Variants in ARFGEF3 observed in about 807,000 individuals in gnomAD.
ARFGEF3 encodes the protein brefeldin A-inhibited guanine nucleotide-exchange protein 3.
In ARFGEF3, 96 loss-of-function variants were observed where a neutral mutation model predicts 221.7. The observed-to-expected ratio is 0.43, with a 90% confidence interval of 0.37 to 0.51. The LOEUF is 0.51. Among genes scored for constraint, ARFGEF3 ranks in the 20% least tolerant of loss-of-function variants. The probability of loss-of-function intolerance (pLI) is 0.00; values close to 1 mark genes in which losing one functional copy is unlikely to be tolerated. For synonymous variants in ARFGEF3, 1,145 were observed against 1,126.8 expected (o/e 1.02, Z -0.32); for missense variants, 2,410 against 2,789.9 (o/e 0.86, Z 3.07).
chr6:138,316,304 C>T (rs540806315), intron 26 of ARFGEF3, among the ~76,000 whole-genome samples: 1 of 152,240 alleles, frequency 6.6e-6, no homozygotes, highest in South Asian at 2.1e-4. Flanking sequence ...AAAAATTAAT[C>T]CTCAACATTG....
chr6:138,193,052 T>G (rs546775549), intron 2 of ARFGEF3, among the ~76,000 whole-genome samples: 1 of 152,344 alleles, frequency 6.6e-6, no homozygotes, highest in African/African-American at 2.4e-5. Flanking sequence ...GGCTAAAGGT[T>G]AGTTTCTCTG....
intron 10 of ARFGEF3, among the ~76,000 whole-genome samples, chr6:138,256,459 C>T (rs1778683139): frequency 6.6e-6 from 1 of 152,114 alleles, no homozygotes; most frequent in Admixed American, 6.5e-5. Flanking sequence ...ATCTCAACCC[C>T]CACCCCTCCA....
rs766644573 is a variant in ARFGEF3 at position 138,280,024 on chromosome 6, C to A, written c.2321C>A (p.Thr774Asn). The part of the protein sequence containing the change: ...VMKDFMKQVQ[T>N]SGVLMVFSQA... ...AAGGACTTCATGAAGCAGGTGCAGA[C>A]CAGCGGCGTGCTGATGGTCTTCTCT... Residue 774 changes from threonine (T) to asparagine (N), a missense_variant, in exon 14 of 34, where the codon ACC (threonine) becomes AAC (asparagine). Physicochemically the swap from Thr to Asn is moderately conservative, Grantham distance 65 (BLOSUM62 0). Around this residue, in one of 5 missense-constraint regions of ARFGEF3, gnomAD observed 594 missense variants for 734.3 expected, o/e 0.81. Transcript: ENST00000251691. 6.2e-7 allele frequency: 1 copy of A among 1,613,938 alleles called. No homozygotes were observed. Among genetic ancestry groups the A allele is most frequent in the East Asian group, 2.2e-5 (1 of 44,874 alleles).
intron 29 of ARFGEF3, 121 bp from the exon 30 acceptor site, chr6:138,323,550 G>T: frequency 1.3e-6 from 1 of 743,894 alleles, no homozygotes; most frequent in Non-Finnish European, 2.2e-6. Context: ...GATGGAGGTT[G>T]CAGTGAGCCA....
Position 138,334,543 on chromosome 6 carries a change from G to T in ARFGEF3, c.5697G>T (p.Trp1899Cys). 6.2e-7 allele frequency: 1 copy of T among 1,613,496 alleles called. No individual in the cohort carries two copies. The highest frequency in any genetic ancestry group is 8.5e-7 in the Non-Finnish European group (1 of 1,179,874). ...CTGTCAGCAACGCAGATTGGGTGTG[G>T]CTGGTCAAGAGGCTGCACAAGCTGT... ...VQPVSNADWVWLVKRLHKLCM... is the reference protein window; with the variant it reads ...VQPVSNADWVCLVKRLHKLCM... Residue 1899 changes from tryptophan (W) to cysteine (C), a missense_variant, in exon 33 of 34, where the codon TGG becomes TGT. Physicochemically the swap from Trp to Cys is radical, Grantham distance 215 (BLOSUM62 -2). Around this residue, in one of 5 missense-constraint regions of ARFGEF3, gnomAD observed 723 missense variants for 991.9 expected, o/e 0.73. Coordinates refer to ENST00000251691, the MANE Select transcript of ARFGEF3 (RefSeq NM_020340.5). This position sits in a 1 kb window ranked among gnomAD's most constrained non-coding sequence, Gnocchi z 5.1.
intron 12 of ARFGEF3, among the ~76,000 whole-genome samples, chr6:138,269,485 G>C (rs1449342698): frequency 6.6e-6 from 1 of 152,182 alleles, no homozygotes; most frequent in African/African-American, 2.4e-5. Context: ...GCCTCTGTCA[G>C]TTAGGATTAG....
chr6:138,300,428 A>G (rs535420123), intron 22 of ARFGEF3, among the ~76,000 whole-genome samples: 1 of 152,160 alleles, frequency 6.6e-6, no homozygotes, highest in Non-Finnish European at 1.5e-5. Context: ...CAACTTTCTC[A>G]CAGGGAACAA....
In ARFGEF3 at chr6:138,302,141, G is replaced by C. The variant is rs116884405; in HGVS notation, c.3828+3356G>C. ...ACAGTGACTAGAAACTGACTTAAGA[G>C]TAAGCCCAGATGTATTTGGGAGCCA... On this transcript the variant is annotated intron_variant, in intron 22 of 33. Transcript: ENST00000251691. 4.4e-3 allele frequency among the ~76,000 whole-genome samples: 663 copies of C among 152,292 alleles called. 3 individuals carry two copies. The highest frequency in any genetic ancestry group is 7.0e-3 in the Non-Finnish European group (477 of 68,034).
Position 138,209,789 on chromosome 6 carries a change from A to G in ARFGEF3, c.220-121A>G. 3 of 1,254,808 alleles carry G rather than the reference A, an allele frequency of 2.4e-6. No homozygotes were observed. The South Asian group carries it at 4.5e-5, about 19-fold the overall frequency. The allele number at this position is 1,254,808 out of a possible 1,614,324, so 77.7% of individuals were successfully genotyped here. On this transcript the variant is annotated intron_variant, in intron 3 of 33. Coordinates refer to ENST00000251691, the MANE Select transcript of ARFGEF3 (RefSeq NM_020340.5). Reference sequence around the variant, plus strand: ...GGCACATAGCGTAAGTTCTTTCTTAATGGCCTCCAGCTACACGCCTCCCCA... The same window carrying G: ...GGCACATAGCGTAAGTTCTTTCTTAGTGGCCTCCAGCTACACGCCTCCCCA...
chr6:138,166,589 T>G (rs1776727935), intron 1 of ARFGEF3, among the ~76,000 whole-genome samples: 2 of 151,670 alleles, frequency 1.3e-5, no homozygotes, highest in Non-Finnish European at 1.5e-5. Flanking sequence ...GGCCAGGGAG[T>G]AGAAAGGAAT....
At chr6:138,229,649 A>G (rs1314373699) in intron 4 of ARFGEF3, 135 bp from the exon 5 acceptor site, 4 of 667,648 alleles carry the variant, frequency 6.0e-6, no homozygotes, top group Non-Finnish European at 1.1e-5. Flanking sequence ...AGTGGGTGGG[A>G]TATAAAGAAA....
chr6:138,169,201 T>C (rs1164818818), intron 1 of ARFGEF3, among the ~76,000 whole-genome samples: 1 of 152,174 alleles, frequency 6.6e-6, no homozygotes, highest in Non-Finnish European at 1.5e-5. Flanking sequence ...TTCTTGATGC[T>C]TCCATGGTGC....
chr6:138,280,137 A>G lies in ARFGEF3; in HGVS notation c.2434A>G (p.Ser812Gly). The change falls in exon 14 of 34, where the codon AGC becomes GGC. Residue 812 changes from serine (S) to glycine (G), a missense_variant. Physicochemically the swap from Ser to Gly is moderately conservative, Grantham distance 56. Coordinates refer to ENST00000251691, the MANE Select transcript of ARFGEF3 (RefSeq NM_020340.5). The stretch of plus-strand genomic sequence containing the variant: ...CTATTGGGGCAGCCCAGAAGATAAC[A>G]GCCTTCCCCTCATCACAATGCTGAC... Reference protein sequence around the residue: ...AGYWGSPEDNSLPLITMLTDI... With the variant: ...AGYWGSPEDNGLPLITMLTDI... 6.2e-7 allele frequency: 1 copy of G among 1,613,780 alleles called. No homozygotes were observed. The highest frequency in any genetic ancestry group is 8.5e-7 in the Non-Finnish European group (1 of 1,179,734).
At chr6:138,259,432 T>C (rs1778746132) in intron 10 of ARFGEF3, among the ~76,000 whole-genome samples, 1 of 152,216 alleles carries the variant, frequency 6.6e-6, no homozygotes, top group Admixed American at 6.5e-5. Context: ...TTTGCTTCCT[T>C]TTCTCTCCTA....
At chr6:138,260,231 A>G (rs1258892820) in intron 10 of ARFGEF3, among the ~76,000 whole-genome samples, 1 of 152,230 alleles carries the variant, frequency 6.6e-6, no homozygotes, top group African/African-American at 2.4e-5. Flanking sequence ...TCCAGAGAGC[A>G]GAAGTGTTCA....
At position 138,255,688 on chromosome 6, in the gene ARFGEF3, C is replaced by G. The variant is rs769604070; in HGVS notation, c.1023C>G (p.Pro341=). 4 of 1,612,932 alleles carry G rather than the reference C, an allele frequency of 2.5e-6. No homozygotes were observed. Among genetic ancestry groups the G allele is most frequent in the Non-Finnish European group, 3.4e-6 (4 of 1,179,514 alleles). The change falls in exon 10 of 34, where the codon CCC becomes CCG. Residue 341 remains proline (P), a synonymous_variant. Transcript: ENST00000251691. The stretch of plus-strand genomic sequence containing the variant: ...TGGGGTCTGTGGACTCCATGAAGCC[C>G]GTGCTCCAGTCCCTCTACCACCGAG... ...RLVGSVDSMK[P]VLQSLYHRVL...
chr6:138,327,368 G>A (rs577859173), intron 31 of ARFGEF3, among the ~76,000 whole-genome samples: 3 of 152,248 alleles, frequency 2.0e-5, no homozygotes, highest in East Asian at 1.9e-4. Flanking sequence ...AGGATCACTC[G>A]AGCCTGGGAC....
chr6:138,307,278 T>C lies in ARFGEF3; in HGVS notation c.3854T>C (p.Val1285Ala). Residue 1285 changes from valine (V) to alanine (A), a missense_variant, in exon 23 of 34, where the codon GTT (valine) becomes GCT (alanine). Physicochemically the swap from Val to Ala is moderately conservative, Grantham distance 64 (BLOSUM62 0). Around this residue, in one of 5 missense-constraint regions of ARFGEF3, gnomAD observed 723 missense variants for 991.9 expected, o/e 0.73. Transcript: ENST00000251691. ...GTTGTCACATCCATTGGTGAGCTGG[T>C]TGAAGTGTGTTCCACGCAGATCCAG... ...DQVVTSIGEL[V>A]EVCSTQIQSG... 2.5e-6 allele frequency: 4 copies of C among 1,613,894 alleles called. No individual in the cohort carries two copies. The highest frequency in any genetic ancestry group is 1.7e-4 in the Middle Eastern group (1 of 6,058).
At position 138,291,796 on chromosome 6, in the gene ARFGEF3, T is replaced by G; in HGVS notation, c.3111T>G (p.Pro1037=). Residue 1037 remains proline (P), a synonymous_variant, in exon 19 of 34, where the codon CCT becomes CCG. Transcript: ENST00000251691. The surrounding 1 kb of genome is among the most constrained non-coding windows in gnomAD (Gnocchi z 4.5). Reference sequence around the variant, plus strand: ...TCAGCGATGGTGCCTCGCAGCCCCCTCTGACCATCAGCCAGCCCCAGAAGG... The same window carrying G: ...TCAGCGATGGTGCCTCGCAGCCCCCGCTGACCATCAGCCAGCCCCAGAAGG... ...NHFSDGASQP[P]LTISQPQKAT... 1 of 1,481,348 alleles carries G rather than the reference T, an allele frequency of 6.8e-7. No individual in the cohort carries two copies. Among genetic ancestry groups the G allele is most frequent in the South Asian group, 1.4e-5 (1 of 70,540 alleles). The allele number at this position is 1,481,348 out of a possible 1,614,324, so 91.8% of individuals were successfully genotyped here. A position where few individuals can be genotyped will look rare whatever the true frequency, so the allele number is the denominator to read the frequency against.
Sources: gnomAD v4.1 joint callset for allele counts (sites outside exome capture counted in the v4.1 genomes callset) on GRCh38, gnomAD v4.1.1 for gene constraint, gnomAD v4.1.1 regional missense constraint, Gnocchi (gnomAD v3.1) non-coding constraint, MANE v1.5 for transcripts, NCBI Gene and HGNC (gene_info 2026-07-23, HGNC 2026-07-21) for gene names.